The following HNRNPM variants were observed in gnomAD, a reference collection of about 807,000 sequenced individuals.
HNRNPM encodes heterogeneous nuclear ribonucleoprotein M, also known as CEA receptor.
A neutral mutation model predicts 73.1 loss-of-function variants in HNRNPM; 11 were observed. The ratio of observed to expected loss-of-function variants is 0.15; its 90% CI spans 0.09 to 0.25. The LOEUF (loss-of-function observed/expected upper bound fraction) is 0.25. Among genes scored for constraint, HNRNPM ranks in the 10% least tolerant of loss-of-function variants. HNRNPM has a pLI of 1.00. For synonymous variants in HNRNPM, 407 were observed against 355.2 expected, an observed-to-expected ratio of 1.15 and a Z score of -1.64; for missense variants, 789 against 1,067.9, an observed-to-expected ratio of 0.74 and a Z score of 3.64.
At chr19:8,451,142 G>A (rs1968590608) in intron 1 of HNRNPM, among the ~76,000 whole-genome samples, 1 of 151,880 alleles carries the variant, frequency 6.6e-6, no homozygotes, top group African/African-American at 2.4e-5. Context: ...CCTGACCTAA[G>A]ATAATCCACC....
chr19:8,461,781 C>G (rs1172013904), intron 2 of HNRNPM, among the ~76,000 whole-genome samples: 1 of 152,126 alleles, frequency 6.6e-6, no homozygotes, highest in African/African-American at 2.4e-5. Context: ...TGGCCTAATT[C>G]ACTGAAGAGA....
intron 1 of HNRNPM, among the ~76,000 whole-genome samples, chr19:8,447,231 T>TG (rs1235772382): frequency 6.6e-6 from 1 of 150,468 alleles, no homozygotes; most frequent in Non-Finnish European, 1.5e-5. Flanking sequence ...TGGCAACACT[T>TG]GGATATTTTT....
intron 11 of HNRNPM, 63 bp from the exon 12 acceptor site, chr19:8,474,104 T>G: frequency 4.1e-6 from 5 of 1,220,692 alleles, no homozygotes; most frequent in Non-Finnish European, 4.6e-6. Context: ...ATAGAATTTT[T>G]CTTTCCCTGC....
At position 8,487,319 on chromosome 19, in the gene HNRNPM, G is replaced by A. The variant is rs1025967528; in HGVS notation, c.2029+244G>A. On this transcript the variant is annotated intron_variant, in intron 15 of 15. Transcript: ENST00000325495. ...CTTTTTGAGTCTTTGAAACAAGGTA[G>A]TAGTGTCCCCATTTCACAGATGAGT... The A allele has an allele frequency of 2.2e-4, 111 of 494,930 alleles. 2 individuals are homozygous for A. In the South Asian group the frequency reaches 2.3e-3, roughly 10 times the overall value. 30.7% of individuals were successfully genotyped at this position (494,930 alleles called of 1,614,324 possible).
rs1971515176 is a variant in HNRNPM, at chr19:8,488,983, A to G, written c.*129A>G. On this transcript the variant is annotated 3_prime_UTR_variant, in exon 16 of 16. Coordinates refer to ENST00000325495, the MANE Select transcript of HNRNPM (RefSeq NM_005968.5). ...TCAGTTGCTTTTTGGGGTAATTTGA[A>G]TTACTTTTTTAATGACTGGGGTTCC... is the stretch of plus-strand genomic sequence containing the variant. 2 of 860,232 alleles carry G rather than the reference A, an allele frequency of 2.3e-6. No individual in the cohort carries two copies. Among genetic ancestry groups the G allele is most frequent in the South Asian group, 4.1e-5 (2 of 49,228 alleles). The allele number at this position is 860,232 out of a possible 1,614,324, so 53.3% of individuals were successfully genotyped here.
At chr19:8,445,330 C>T (rs1362325678) in intron 1 of HNRNPM, 3 of 403,940 alleles carry the variant, frequency 7.4e-6, no homozygotes, top group East Asian at 3.7e-5. Context: ...GCCTCGCCAC[C>T]CTCAGTCCCT....
intron 2 of HNRNPM, among the ~76,000 whole-genome samples, chr19:8,460,393 C>CATT (rs1297541106): frequency 3.3e-5 from 5 of 152,132 alleles, no homozygotes; most frequent in Non-Finnish European, 7.3e-5. Context: ...GGAGGATGGG[C>CATT]ATTACTGATG....
At position 8,445,018 on chromosome 19, in the gene HNRNPM, C is replaced by G. The variant is rs765426078; in HGVS notation, c.20C>G (p.Ala7Gly). Reference sequence around the variant, plus strand: ...GAGAAAATGGCGGCAGGGGTCGAAGCGGCGGCGGAGGTGGCGGCGACGGAG... The same window carrying G: ...GAGAAAATGGCGGCAGGGGTCGAAGGGGCGGCGGAGGTGGCGGCGACGGAG... MAAGVE[A>G]AAEVAATEIK... The change falls in exon 1 of 16, where the codon GCG (alanine) becomes GGG (glycine). Residue 7 changes from alanine to glycine, a missense_variant. This residue lies in a region of HNRNPM where 79 missense variants were observed against 70.7 expected (regional missense o/e 1.12). Transcript: ENST00000325495. 9 of 1,424,056 alleles carry G rather than the reference C, an allele frequency of 6.3e-6. No individual in the cohort carries two copies. The highest frequency in any genetic ancestry group is 8.2e-6 in the Non-Finnish European group (9 of 1,091,058). The allele number at this position is 1,424,056 out of a possible 1,614,324, so 88.2% of individuals were successfully genotyped here. A position where few individuals can be genotyped will look rare whatever the true frequency, so the allele number is the denominator to read the frequency against.
chr19:8,475,975 G>GTT (rs1419433931), intron 12 of HNRNPM, among the ~76,000 whole-genome samples: 1 of 148,534 alleles, frequency 6.7e-6, no homozygotes, highest in Non-Finnish European at 1.5e-5. Flanking sequence ...GCTGTGAGGA[G>GTT]TAGAGTGATG....
chr19:8,474,997 G>A (rs930468492), intron 12 of HNRNPM, among the ~76,000 whole-genome samples: 1 of 152,214 alleles, frequency 6.6e-6, no homozygotes, highest in African/African-American at 2.4e-5. Context: ...TTACAGGCGT[G>A]AGCCACCGTG....
At chr19:8,488,487 C>T (rs935297855) in intron 15 of HNRNPM, 5 of 457,630 alleles carry the variant, frequency 1.1e-5, no homozygotes, top group Admixed American at 1.1e-4. Context: ...ATTGAATCCG[C>T]CAGGAAGGCT....
At chr19:8,471,069 C>T (rs563279731) in intron 9 of HNRNPM, among the ~76,000 whole-genome samples, 19 of 152,242 alleles carry the variant, frequency 1.2e-4, no homozygotes, top group African/African-American at 4.6e-4. Context: ...TCTCAAGAAT[C>T]TTAGTGTGGG....
chr19:8,468,480 T>C (rs1969908742), intron 8 of HNRNPM, among the ~76,000 whole-genome samples: 1 of 152,190 alleles, frequency 6.6e-6, no homozygotes, highest in African/African-American at 2.4e-5. Context: ...AGATGATAGA[T>C]TCACGTGACT....
chr19:8,473,771 C>T, intron 11 of HNRNPM, 63 bp downstream of exon 11: 1 of 1,033,656 alleles, frequency 9.7e-7, no homozygotes, highest in Non-Finnish European at 1.5e-6. Flanking sequence ...TCTCTTTCCT[C>T]TTTTCTTTCT....
intron 11 of HNRNPM, 37 bp from the exon 12 acceptor site, chr19:8,474,130 T>C (rs763150680): frequency 1.5e-5 from 22 of 1,482,960 alleles, no homozygotes; most frequent in East Asian, 2.5e-5. Context: ...CTAAGCAGTC[T>C]TGTTGGATGA....
rs753670215 is a variant in HNRNPM at position 8,486,244 on chromosome 19, C to T, written c.1816C>T (p.Arg606Cys). The T allele has an allele frequency of 1.4e-5, 22 of 1,602,754 alleles. No homozygotes were observed. Among genetic ancestry groups the T allele is most frequent in the Non-Finnish European group, 1.6e-5 (19 of 1,179,112 alleles). ...CCCGGCCCTGGGCGCTGGCATTGAG[C>T]GCATGGGCCTGGCCATGGGTGGCGG... ...MGPALGAGIE[R>C]MGLAMGGGGG... Residue 606 changes from arginine (R) to cysteine (C), a missense_variant, in exon 14 of 16, where the codon CGC becomes TGC. Transcript: ENST00000325495.
At chr19:8,472,690 C>G (rs1970235999) in intron 10 of HNRNPM, among the ~76,000 whole-genome samples, 1 of 152,322 alleles carries the variant, frequency 6.6e-6, no homozygotes, top group Middle Eastern at 3.4e-3. Flanking sequence ...TCAAGTGATT[C>G]TCCTGCCTCA....
chr19:8,466,103 A>G (rs890718386), intron 6 of HNRNPM, 132 bp from the exon 7 acceptor site: 24 of 809,922 alleles, frequency 3.0e-5, no homozygotes, highest in Non-Finnish European at 4.7e-5. Flanking sequence ...TTTCCATTGC[A>G]GTTGATTAGT....
intron 12 of HNRNPM, among the ~76,000 whole-genome samples, chr19:8,475,974 A>G (rs1380564406): frequency 7.2e-6 from 1 of 139,726 alleles, no homozygotes; most frequent in African/African-American, 2.7e-5. Context: ...TGCTGTGAGG[A>G]GTAGAGTGAT....
Sources: allele counts gnomAD v4.1 joint callset (sites outside exome capture counted in the v4.1 genomes callset), GRCh38; gene constraint gnomAD v4.1.1; regional missense constraint gnomAD v4.1.1; transcripts MANE v1.5; gene names NCBI Gene and HGNC (gene_info 2026-07-23, HGNC 2026-07-21).